Variants in DAB1 observed in about 807,000 individuals in gnomAD.
DAB1 encodes the protein DAB adaptor protein 1, also known as disabled homolog 1.
Under a neutral mutation model 64.6 loss-of-function variants are expected in DAB1, and 15 were observed. The observed-to-expected ratio is 0.23, with a 90% confidence interval of 0.16 to 0.36. The LOEUF (loss-of-function observed/expected upper bound fraction) is 0.36, where lower values mean the gene tolerates loss of function less well. Among genes scored for constraint, DAB1 ranks in the 10% least tolerant of loss-of-function variants. The pLI is 1.00. For missense variants in DAB1, 596 were observed against 706.7 expected, an observed-to-expected ratio of 0.84 and a Z score of 1.78; for synonymous variants, 235 against 251.9, an observed-to-expected ratio of 0.93 and a Z score of 0.64.
At position 57,057,904 on chromosome 1, in the gene DAB1, G is replaced by A. The variant is rs190515214; in HGVS notation, c.723+4980C>T. ...ATTACAGGCATGAGCCACCGCGCCC[G>A]GCCTACTGATTCTTAATTCTATCAG... On this transcript the variant is annotated intron_variant, in intron 9 of 14. Transcript: ENST00000371236. Among the ~76,000 whole-genome samples the A allele has an allele frequency of 3.7e-3, 567 of 152,190 alleles. 2 individuals carry two copies. Among genetic ancestry groups the A allele is most frequent in the Middle Eastern group, 6.8e-3 (2 of 294 alleles).
intron 5 of DAB1, among the ~76,000 whole-genome samples, chr1:58,045,717 T>C (rs746704518): frequency 6.6e-6 from 1 of 152,170 alleles, no homozygotes; most frequent in Non-Finnish European, 1.5e-5. Flanking sequence ...CACCCCTTTC[T>C]TCCCTTGCAT....
chr1:57,784,286 C>T (rs1650241316), intron 6 of DAB1, among the ~76,000 whole-genome samples: 1 of 152,008 alleles, frequency 6.6e-6, no homozygotes, highest in African/African-American at 2.4e-5. Flanking sequence ...CTCAGCTACA[C>T]AGGAGTCTGA....
intron 6 of DAB1, among the ~76,000 whole-genome samples, chr1:57,795,076 C>T (rs919644289): frequency 6.6e-6 from 1 of 152,218 alleles, no homozygotes; most frequent in Non-Finnish European, 1.5e-5. Flanking sequence ...GAACTCTCTC[C>T]CATCCATCAG....
intron 4 of DAB1, among the ~76,000 whole-genome samples, chr1:58,300,940 T>C (rs942128956): frequency 1.3e-5 from 2 of 152,040 alleles, no homozygotes; most frequent in South Asian, 2.1e-4. Flanking sequence ...ATTTTCCTCA[T>C]TGTCTTCTCA....
chr1:58,361,861 C>G (rs2100526431), intron 3 of DAB1, among the ~76,000 whole-genome samples: 1 of 110,658 alleles, frequency 9.0e-6, no homozygotes, highest in South Asian at 3.4e-4. Context: ...TCAAAGATCC[C>G]CCTTTTTTTT....
chr1:58,374,550 G>C (rs1644304453), intron 3 of DAB1, among the ~76,000 whole-genome samples: 1 of 149,220 alleles, frequency 6.7e-6, no homozygotes, highest in African/African-American at 2.5e-5. Context: ...TCTCTGTTTT[G>C]GTACCAGTAC....
intron 5 of DAB1, among the ~76,000 whole-genome samples, chr1:58,062,221 T>C (rs1648545784): frequency 6.6e-6 from 1 of 152,172 alleles, no homozygotes; most frequent in Non-Finnish European, 1.5e-5. Context: ...CCCATAGCCA[T>C]CACCTTGTTC....
At chr1:57,877,064 T>A (rs1644059304) in intron 1 of DAB1, among the ~76,000 whole-genome samples, 1 of 152,164 alleles carries the variant, frequency 6.6e-6, no homozygotes, top group African/African-American at 2.4e-5. Context: ...TGTATAGATA[T>A]ATGTATACAT....
At chr1:57,320,290 C>A (rs575488082) in intron 1 of DAB1, among the ~76,000 whole-genome samples, 2 of 152,266 alleles carry the variant, frequency 1.3e-5, no homozygotes, top group East Asian at 1.9e-4. Context: ...CAATTAACTT[C>A]TTTCCTTCAT....
intron 2 of DAB1, among the ~76,000 whole-genome samples, chr1:58,515,459 C>G (rs1646144905): frequency 6.6e-6 from 1 of 152,014 alleles, no homozygotes; most frequent in Admixed American, 6.6e-5. Flanking sequence ...TTTTTTCCCT[C>G]TATCTTAGGT....
intron 5 of DAB1, among the ~76,000 whole-genome samples, chr1:58,021,661 G>A (rs1027068568): frequency 6.6e-6 from 1 of 152,202 alleles, no homozygotes; most frequent in Non-Finnish European, 1.5e-5. Flanking sequence ...AACCAAAGCA[G>A]ATGATGGTGA....
chr1:58,434,052 A>C (rs1187114294), intron 3 of DAB1, among the ~76,000 whole-genome samples: 4 of 152,172 alleles, frequency 2.6e-5, no homozygotes, highest in Non-Finnish European at 2.9e-5. Flanking sequence ...GGTGACATCA[A>C]AAAGAGAAAT....
intron 6 of DAB1, among the ~76,000 whole-genome samples, chr1:57,720,858 TTCAG>T (rs1479040914): frequency 1.3e-5 from 2 of 152,190 alleles, no homozygotes; most frequent in African/African-American, 4.8e-5. Flanking sequence ...AAGGTCACCA[TTCAG>T]TCAAAGTAGG....
At chr1:58,129,878 T>C (rs1285632897) in intron 5 of DAB1, among the ~76,000 whole-genome samples, 1 of 148,642 alleles carries the variant, frequency 6.7e-6, no homozygotes, top group Non-Finnish European at 1.5e-5. Flanking sequence ...TACTTCCAAC[T>C]ATGTGGTCAA....
At chr1:58,534,160 G>A (rs1290671392) in intron 1 of DAB1, 2 of 870,118 alleles carry the variant, frequency 2.3e-6, no homozygotes, top group African/African-American at 3.3e-5. Flanking sequence ...TTACTTACTG[G>A]AAGCACGAAG....
chr1:57,982,240 C>A (rs1235741183), intron 5 of DAB1, among the ~76,000 whole-genome samples: 1 of 152,166 alleles, frequency 6.6e-6, no homozygotes, highest in Non-Finnish European at 1.5e-5. Flanking sequence ...ATGTGCCAGG[C>A]ATTGAGGATG....
At chr1:58,266,790 A>C (rs1408025530) in intron 4 of DAB1, among the ~76,000 whole-genome samples, 1 of 152,238 alleles carries the variant, frequency 6.6e-6, no homozygotes, top group East Asian at 1.9e-4. Flanking sequence ...AATGTAATTA[A>C]TAAATTGGCA....
At chr1:58,250,376 G>T (rs1456733749) in intron 4 of DAB1, among the ~76,000 whole-genome samples, 1 of 152,242 alleles carries the variant, frequency 6.6e-6, no homozygotes, top group Non-Finnish European at 1.5e-5. Flanking sequence ...GGGAGACGCC[G>T]CGGAGCTGGG....
At chr1:57,907,835 G>C (rs992310534) in intron 5 of DAB1, among the ~76,000 whole-genome samples, 4 of 116,742 alleles carry the variant, frequency 3.4e-5, no homozygotes, top group African/African-American at 1.6e-4. Flanking sequence ...AAACATCAGA[G>C]AGCATTACAT....
Sources: allele counts gnomAD v4.1 joint callset (sites outside exome capture counted in the v4.1 genomes callset), GRCh38; gene constraint gnomAD v4.1.1; transcripts MANE v1.5; gene names NCBI Gene and HGNC (gene_info 2026-07-23, HGNC 2026-07-21).